The following CD2 variants were observed in gnomAD, a reference collection of about 807,000 sequenced individuals.
CD2 encodes the protein CD2 molecule, also known as T-cell surface antigen CD2.
Under a neutral mutation model 23.2 loss-of-function variants are expected in CD2, and 18 were observed. That is an observed-to-expected ratio of 0.77 (90% CI 0.54 to 1.15). CD2 has a LOEUF of 1.15. CD2 is among the 50% of genes most tolerant of loss of function. The pLI is 0.00. For synonymous variants in CD2, 162 were observed against 151.9 expected (o/e 1.07, Z -0.49); for missense variants, 424 against 423.1 (o/e 1.00, Z -0.02).
At chr1:116,763,434 C>T (rs1432483058) in intron 3 of CD2, among the ~76,000 whole-genome samples, 2 of 152,150 alleles carry the variant, frequency 1.3e-5, no homozygotes, top group Non-Finnish European at 2.9e-5. Flanking sequence ...TCCCCTGACC[C>T]GAGCCCCACT....
At chr1:116,758,931 T>A (rs1235180569) in intron 2 of CD2, among the ~76,000 whole-genome samples, 1 of 152,224 alleles carries the variant, frequency 6.6e-6, no homozygotes, top group Non-Finnish European at 1.5e-5. Context: ...GAGGTCTTTT[T>A]GGCAAGGATG....
At position 116,760,427 on chromosome 1, in the gene CD2, C is replaced by T. The variant is rs758023273; in HGVS notation, c.408C>T (p.Ser136=). The change falls in exon 3 of 5, where the codon TCC becomes TCT. Residue 136 remains serine, a synonymous_variant. Transcript: ENST00000369478. ...AGAGGGTCTCAAAACCAAAGATCTC[C>T]TGGACTTGTATCAACACAACCCTGA... is the stretch of plus-strand genomic sequence containing the variant. The part of the protein sequence containing the change: ...IQERVSKPKI[S]WTCINTTLTC... 6.2e-7 allele frequency: 1 copy of T among 1,614,138 alleles called. No homozygotes were observed. The highest frequency in any genetic ancestry group is 1.1e-5 in the South Asian group (1 of 91,076).
In CD2 at chr1:116,754,565, A is replaced by G; in HGVS notation, c.61+12A>G. 6.2e-7 allele frequency: 1 copy of G among 1,612,692 alleles called. No homozygotes were observed. The highest frequency in any genetic ancestry group is 8.5e-7 in the Non-Finnish European group (1 of 1,179,578). On this transcript the variant is annotated intron_variant, in intron 1 of 4. Transcript: ENST00000369478. ...TGTTTCTTCCAAAGGTAAGCATAAG[A>G]GTCAAAGAAGTCCCAACCCAGCTTT...
At position 116,760,397 on chromosome 1, in the gene CD2, T is replaced by C. The variant is rs760638704; in HGVS notation, c.383-5T>C. 1 of 1,611,612 alleles carries C rather than the reference T, an allele frequency of 6.2e-7. No homozygotes were observed. Among genetic ancestry groups the C allele is most frequent in the Non-Finnish European group, 8.5e-7 (1 of 1,178,150 alleles). On this transcript the variant is annotated splice_polypyrimidine_tract_variant and splice_region_variant and intron_variant, in intron 2 of 4. Transcript: ENST00000369478. ...AATTGAACTGAATCTTTACTTTCTT[T>C]TTAGAGAGGGTCTCAAAACCAAAGA...
intron 4 of CD2, among the ~76,000 whole-genome samples, chr1:116,767,591 CAAA>C (rs573721647): frequency 9.8e-5 from 7 of 71,758 alleles, no homozygotes; most frequent in Admixed American, 1.7e-4. Flanking sequence ...AACTTCAACT[CAAA>C]AAAAAAAAAA....
intron 4 of CD2, among the ~76,000 whole-genome samples, chr1:116,767,377 T>C (rs1056599895): frequency 6.6e-6 from 1 of 152,050 alleles, no homozygotes; most frequent in Non-Finnish European, 1.5e-5. Flanking sequence ...GCAGATCACC[T>C]GGTCGGGAGT....
intron 2 of CD2, among the ~76,000 whole-genome samples, chr1:116,758,367 C>A (rs2101158035): frequency 1.3e-5 from 2 of 152,194 alleles, no homozygotes; most frequent in African/African-American, 4.8e-5. Context: ...GTGCTTCACA[C>A]AGAAAATGTC....
In CD2 at chr1:116,760,421, G is replaced by T. The variant is rs754835293; in HGVS notation, c.402G>T (p.Lys134Asn). The T allele has an allele frequency of 6.2e-7, 1 of 1,613,990 alleles. No homozygotes were observed. The highest frequency in any genetic ancestry group is 2.2e-5 in the East Asian group (1 of 44,880). Residue 134 changes from lysine to asparagine, a missense_variant, in exon 3 of 5, where the codon AAG (lysine) becomes AAT (asparagine). By Grantham distance (94) the Lys-to-Asn change is moderately conservative (BLOSUM62 0). Coordinates refer to ENST00000369478, the MANE Select transcript of CD2 (RefSeq NM_001767.5). ...LKIQERVSKP[K>N]ISWTCINTTL... ...TTTTAGAGAGGGTCTCAAAACCAAA[G>T]ATCTCCTGGACTTGTATCAACACAA...
intron 2 of CD2, 187 bp downstream of exon 2, chr1:116,755,138 A>G: frequency 1.7e-6 from 1 of 601,136 alleles, no homozygotes; most frequent in South Asian, 2.2e-5. Flanking sequence ...CACACATCTG[A>G]TAGACCCTCA....
At chr1:116,757,072 C>G (rs1436714007) in intron 2 of CD2, among the ~76,000 whole-genome samples, 3 of 151,412 alleles carry the variant, frequency 2.0e-5, no homozygotes, top group Admixed American at 2.0e-4. Context: ...TCTCAGCTCA[C>G]TGCAGCCTCT....
chr1:116,763,887 C>T (rs1652130936), intron 3 of CD2, among the ~76,000 whole-genome samples: 1 of 152,090 alleles, frequency 6.6e-6, no homozygotes, highest in East Asian at 1.9e-4. Context: ...TCCAGGGAAA[C>T]TCTGTGAGAG....
chr1:116,754,906 A>T lies in CD2; in HGVS notation c.337A>T (p.Lys113Ter). 6.2e-7 allele frequency: 1 copy of T among 1,600,896 alleles called. No individual in the cohort carries two copies. The highest frequency in any genetic ancestry group is 8.5e-7 in the Non-Finnish European group (1 of 1,175,496). ...CTACAAGGTATCAATATATGATACA[A>T]AAGGAAAAAATGTGTTGGAAAAAAT... ...DIYKVSIYDT[K>*]GKNVLEKIFD... Residue 113 changes from lysine to a stop codon, truncating the protein, a stop_gained, in exon 2 of 5, where the codon AAA (lysine) becomes TAA (stop). Coordinates refer to ENST00000369478, the MANE Select transcript of CD2 (RefSeq NM_001767.5). LOFTEE classifies it high-confidence loss of function.
At chr1:116,762,212 T>G (rs1164782645) in intron 3 of CD2, among the ~76,000 whole-genome samples, 3 of 152,220 alleles carry the variant, frequency 2.0e-5, no homozygotes, top group Non-Finnish European at 4.4e-5. Flanking sequence ...TGGAACATAC[T>G]TATGCAAGAA....
chr1:116,754,942 A>G lies in CD2; in HGVS notation c.373A>G (p.Lys125Glu), dbSNP rs1651790794. The G allele has an allele frequency of 6.3e-7, 1 of 1,589,076 alleles. No individual in the cohort carries two copies. The highest frequency in any genetic ancestry group is 8.6e-7 in the Non-Finnish European group (1 of 1,166,122). ...KNVLEKIFDLKIQERVSKPKI... is the reference protein window; with the variant it reads ...KNVLEKIFDLEIQERVSKPKI... Reference sequence around the variant, plus strand: ...TGTGTTGGAAAAAATATTTGATTTGAAGATTCAAGGTAAGTGTTCATTCCC... The same window carrying G: ...TGTGTTGGAAAAAATATTTGATTTGGAGATTCAAGGTAAGTGTTCATTCCC... The change falls in exon 2 of 5, where the codon AAG (lysine) becomes GAG (glutamate). Residue 125 changes from lysine to glutamate, a missense_variant. By Grantham distance (56) the Lys-to-Glu change is moderately conservative. Transcript: ENST00000369478.
At chr1:116,755,343 C>A (rs1186735513) in intron 2 of CD2, among the ~76,000 whole-genome samples, 1 of 152,202 alleles carries the variant, frequency 6.6e-6, no homozygotes, top group African/African-American at 2.4e-5. Flanking sequence ...AGCAGCGGGC[C>A]TTTCATCGAC....
intron 2 of CD2, among the ~76,000 whole-genome samples, chr1:116,758,898 A>G (rs1205570026): frequency 6.6e-6 from 1 of 152,194 alleles, no homozygotes; most frequent in Non-Finnish European, 1.5e-5. Flanking sequence ...GCTTGACAGG[A>G]GCAAAGTCAG....
At chr1:116,763,221 G>A (rs1055685812) in intron 3 of CD2, among the ~76,000 whole-genome samples, 3 of 152,246 alleles carry the variant, frequency 2.0e-5, no homozygotes, top group African/African-American at 7.2e-5. Context: ...GGGTCAGAGA[G>A]AGACTCGAGG....
At chr1:116,759,894 C>T (rs923651897) in intron 2 of CD2, among the ~76,000 whole-genome samples, 2 of 152,164 alleles carry the variant, frequency 1.3e-5, no homozygotes, top group African/African-American at 4.8e-5. Flanking sequence ...ATCCAAGGTC[C>T]CCAGTCACAT....
chr1:116,763,475 A>G (rs1292830683), intron 3 of CD2, among the ~76,000 whole-genome samples: 2 of 152,210 alleles, frequency 1.3e-5, no homozygotes, highest in Non-Finnish European at 2.9e-5. Flanking sequence ...TGACTCACAA[A>G]GGGCAGACAG....
Sources: gnomAD v4.1 joint callset for allele counts (sites outside exome capture counted in the v4.1 genomes callset) on GRCh38, gnomAD v4.1.1 for gene constraint, MANE v1.5 for transcripts, NCBI Gene and HGNC (gene_info 2026-07-23, HGNC 2026-07-21) for gene names.